The following CAPN3 variants were observed in gnomAD, a reference collection of about 807,000 sequenced individuals.
The protein encoded by CAPN3 is calpain 3.
A neutral mutation model predicts 114.0 loss-of-function variants in CAPN3; 88 were observed. The ratio of observed to expected loss-of-function variants is 0.77; its 90% CI spans 0.65 to 0.92. The LOEUF (loss-of-function observed/expected upper bound fraction) is 0.92, where lower values mean the gene tolerates loss of function less well. Among genes scored for constraint, CAPN3 ranks in the 40% least tolerant of loss-of-function variants. The pLI, the probability that CAPN3 is intolerant of heterozygous loss-of-function variation, is 0.00. For synonymous variants in CAPN3, 386 were observed against 382.9 expected, an observed-to-expected ratio of 1.01 and a Z score of -0.09; for missense variants, 1,028 against 1,069.0, an observed-to-expected ratio of 0.96 and a Z score of 0.53.
chr15:42,411,253 G>GT, intron 22 of CAPN3, 34 bp from the exon 23 acceptor site: 1 of 1,596,512 alleles, frequency 6.3e-7, no homozygotes, highest in Non-Finnish European at 8.6e-7. Context: ...GAGTGCGCCT[G>GT]TAACTGGCCT....
At chr15:42,405,155 A>G (rs1756730559) in intron 14 of CAPN3, among the ~76,000 whole-genome samples, 1 of 152,324 alleles carries the variant, frequency 6.6e-6, no homozygotes, top group Non-Finnish European at 1.5e-5. Context: ...GCAGCCTGCC[A>G]CAGCTGGGGC....
chr15:42,390,147 C>T, intron 6 of CAPN3, 51 bp downstream of exon 6: 1 of 1,606,924 alleles, frequency 6.2e-7, no homozygotes, highest in Non-Finnish European at 8.5e-7. Context: ...ACCCACATGA[C>T]CCCGCCCTAT....
chr15:42,392,926 A>C (rs895033154), intron 7 of CAPN3, among the ~76,000 whole-genome samples: 2 of 152,220 alleles, frequency 1.3e-5, no homozygotes, highest in Non-Finnish European at 2.9e-5. Context: ...TGCACAGTTT[A>C]TCTTTGCTTT....
intron 8 of CAPN3, among the ~76,000 whole-genome samples, chr15:42,395,307 C>T (rs1207056997): frequency 6.6e-6 from 1 of 152,178 alleles, no homozygotes; most frequent in Non-Finnish European, 1.5e-5. Context: ...GCACGCTACA[C>T]CTATCCTTAC....
chr15:42,373,375 A>G (rs2053005654), intron 1 of CAPN3, among the ~76,000 whole-genome samples: 1 of 152,152 alleles, frequency 6.6e-6, no homozygotes, highest in South Asian at 2.1e-4. Flanking sequence ...ATGAAGTTCA[A>G]AGATCACACT....
chr15:42,406,515 C>G (rs1277173470), intron 15 of CAPN3, among the ~76,000 whole-genome samples: 1 of 151,886 alleles, frequency 6.6e-6, no homozygotes, highest in Non-Finnish European at 1.5e-5. Flanking sequence ...CTTTTTTTTC[C>G]CCCCCAATTA....
At chr15:42,398,020 T>TA (rs748533994) in intron 9 of CAPN3, among the ~76,000 whole-genome samples, 5 of 150,886 alleles carry the variant, frequency 3.3e-5, no homozygotes, top group Admixed American at 1.3e-4. Flanking sequence ...GACACTGTCT[T>TA]AAAAAAAAAG....
chr15:42,394,235 A>G lies in CAPN3; in HGVS notation c.1030-21A>G, dbSNP rs1384966407. On this transcript the variant is annotated intron_variant, in intron 7 of 23. Coordinates refer to ENST00000397163, the MANE Select transcript of CAPN3 (RefSeq NM_000070.3). ...TTCCAGAGAGGCTGCAGAGCATGAG[A>G]GCTCTTTCTGTGTGCTTAAGGTCCC... The G allele has an allele frequency of 2.6e-6, 4 of 1,547,956 alleles. No individual in the cohort carries two copies. In the South Asian group the frequency reaches 4.8e-5, roughly 18 times the overall value.
At chr15:42,369,146 G>A (rs1194109886) in intron 1 of CAPN3, among the ~76,000 whole-genome samples, 1 of 152,114 alleles carries the variant, frequency 6.6e-6, no homozygotes. Flanking sequence ...GTTCATTGTG[G>A]GTTTGGAATG....
At chr15:42,394,442 A>G (rs2053639263) in intron 8 of CAPN3, 101 bp downstream of exon 8, 4 of 939,774 alleles carry the variant, frequency 4.3e-6, no homozygotes, top group East Asian at 2.6e-5. Context: ...GATGCTTGGT[A>G]TAAAATCACC....
At chr15:42,389,215 C>T in intron 5 of CAPN3, 119 bp downstream of exon 5, 1 of 922,316 alleles carries the variant, frequency 1.1e-6, no homozygotes, top group Non-Finnish European at 1.7e-6. Context: ...TTTGAGGAAG[C>T]AGGAACTGGC....
At chr15:42,396,904 G>A in intron 9 of CAPN3, 27 bp downstream of exon 9, 2 of 1,544,810 alleles carry the variant, frequency 1.3e-6, no homozygotes, top group East Asian at 4.5e-5. Context: ...GGAAGACCCA[G>A]AAGGGTAAGG....
chr15:42,377,458 G>A (rs1477666645), intron 1 of CAPN3, among the ~76,000 whole-genome samples: 1 of 152,150 alleles, frequency 6.6e-6, no homozygotes. Context: ...TTCTTAGCCT[G>A]TTGATGTGGT....
chr15:42,360,651 G>A (rs555731755), intron 1 of CAPN3, among the ~76,000 whole-genome samples: 1 of 152,252 alleles, frequency 6.6e-6, no homozygotes, highest in African/African-American at 2.4e-5. Flanking sequence ...AAAATGTTGG[G>A]GTTAAAGAGA....
At chr15:42,404,774 A>G in intron 14 of CAPN3, 18 of 1,122,664 alleles carry the variant, frequency 1.6e-5, no homozygotes, top group Non-Finnish European at 2.0e-5. Flanking sequence ...AGTGACAGTC[A>G]TGGTCATAAT....
chr15:42,386,860 G>C (rs2053420264), intron 3 of CAPN3, among the ~76,000 whole-genome samples: 1 of 152,180 alleles, frequency 6.6e-6, no homozygotes, highest in African/African-American at 2.4e-5. Flanking sequence ...GCTGGTGCTA[G>C]AGCAGAACCA....
chr15:42,360,453 A>T (rs2052612997), intron 1 of CAPN3, among the ~76,000 whole-genome samples: 1 of 152,134 alleles, frequency 6.6e-6, no homozygotes, highest in Non-Finnish European at 1.5e-5. Context: ...CCTTTCTCAG[A>T]ACAAATTCCA....
intron 1 of CAPN3, among the ~76,000 whole-genome samples, chr15:42,379,393 A>C (rs7167683): frequency 0.05 from 7,616 of 152,132 alleles, 590 homozygotes; most frequent in African/African-American, 0.16. Flanking sequence ...AATTTGAGAA[A>C]ATGGTTTGTT....
intron 1 of CAPN3, among the ~76,000 whole-genome samples, chr15:42,376,285 G>T (rs1326430757): frequency 1.3e-5 from 2 of 152,180 alleles, no homozygotes; most frequent in Non-Finnish European, 2.9e-5. Flanking sequence ...ACTTAAGCAA[G>T]GGGGAATTGT....
Sources: gnomAD v4.1 joint callset for allele counts (sites outside exome capture counted in the v4.1 genomes callset) on GRCh38, gnomAD v4.1.1 for gene constraint, MANE v1.5 for transcripts, NCBI Gene and HGNC (gene_info 2026-07-23, HGNC 2026-07-21) for gene names.